FHDC1: variants seen among roughly 807,000 people sequenced by gnomAD.
The protein encoded by FHDC1 is FH2 domain-containing protein 1.
FHDC1 carries 25 observed loss-of-function variants against 52.6 expected under a neutral mutation model. The ratio of observed to expected loss-of-function variants is 0.48; its 90% CI spans 0.35 to 0.66. The LOEUF is 0.66. Among genes scored for constraint, FHDC1 ranks in the 30% least tolerant of loss-of-function variants. The probability of loss-of-function intolerance (pLI) is 0.01; values close to 1 mark genes in which losing one functional copy is unlikely to be tolerated. For missense variants in FHDC1, 1,459 were observed against 1,452.8 expected, an observed-to-expected ratio of 1.00 and a Z score of -0.07; for synonymous variants, 616 against 581.5, an observed-to-expected ratio of 1.06 and a Z score of -0.85.
intron 2 of FHDC1, among the ~76,000 whole-genome samples, chr4:152,945,251 A>C (rs1739694797): frequency 6.6e-6 from 1 of 152,218 alleles, no homozygotes; most frequent in Non-Finnish European, 1.5e-5. Flanking sequence ...CTATGATAGA[A>C]GCAGAGATGT....
chr4:152,950,387 G>A (rs764369350), intron 2 of FHDC1, among the ~76,000 whole-genome samples: 7 of 152,218 alleles, frequency 4.6e-5, no homozygotes, highest in Admixed American at 2.0e-4. Context: ...AGGATGCCGG[G>A]AGCGAGTGGG....
chr4:152,936,138 G>A (rs903676093), upstream of FHDC1, among the ~76,000 whole-genome samples: 1 of 152,186 alleles, frequency 6.6e-6, no homozygotes, highest in East Asian at 2.0e-4. Flanking sequence ...AGGTGAAGGT[G>A]AGCGCGTGGC....
At chr4:152,911,538 TC>T in the FHDC1 span, 2 of 152,582 alleles carry the variant, frequency 1.3e-5, no homozygotes, top group Non-Finnish European at 2.9e-5. Flanking sequence ...AATGTAAAGC[TC>T]TTTTAGTTTT....
At chr4:152,937,235 A>T (rs1739409729) in intron 1 of FHDC1, among the ~76,000 whole-genome samples, 1 of 151,972 alleles carries the variant, frequency 6.6e-6, no homozygotes, top group Non-Finnish European at 1.5e-5. Flanking sequence ...TGCGACCTGG[A>T]TGGGGGACGT....
At chr4:152,934,043 C>T (rs1010685184), upstream of FHDC1, among the ~76,000 whole-genome samples, 3 of 152,172 alleles carry the variant, frequency 2.0e-5, no homozygotes, top group African/African-American at 4.8e-5. Context: ...TCCAATTTAA[C>T]TTCTCTAAGC....
In FHDC1 at chr4:152,943,356, T is replaced by C; in HGVS notation, c.299T>C (p.Phe100Ser). 1 of 1,613,434 alleles carries C rather than the reference T, an allele frequency of 6.2e-7. No homozygotes were observed. The highest frequency in any genetic ancestry group is 2.2e-5 in the East Asian group (1 of 44,844). ...HLGKKKRMRSFFWKTIPEEQV... is the reference protein window; with the variant it reads ...HLGKKKRMRSSFWKTIPEEQV... The stretch of plus-strand genomic sequence containing the variant: ...GGTAAGAAAAAGCGGATGAGAAGCT[T>C]TTTTTGGAAAACTATTCCGGAGGAG... Residue 100 changes from phenylalanine (F) to serine (S), a missense_variant, in exon 2 of 12, where the codon TTT (phenylalanine) becomes TCT (serine). This residue lies in a region of FHDC1 where 513 missense variants were observed against 581.5 expected (regional missense o/e 0.88). Coordinates refer to ENST00000511601, the MANE Select transcript of FHDC1 (RefSeq NM_001371116.1).
the FHDC1 span, among the ~76,000 whole-genome samples, chr4:152,917,728 G>A: frequency 2.0e-5 from 3 of 152,216 alleles, no homozygotes; most frequent in Admixed American, 6.5e-5. Context: ...TTTGCTGAAT[G>A]ACTGGTCAGC....
At chr4:152,926,343 A>C in the FHDC1 span, among the ~76,000 whole-genome samples, 29 of 151,614 alleles carry the variant, frequency 1.9e-4, no homozygotes. Context: ...TTAGCTTTTA[A>C]TTAAGCTGAC....
chr4:152,949,124 T>TAATAATAATAAGAAGAAG (rs1347590282), intron 2 of FHDC1, among the ~76,000 whole-genome samples: 80 of 74,688 alleles, frequency 1.1e-3, no homozygotes, highest in East Asian at 2.8e-3. Context: ...ATAATAATAA[T>TAATAATAATAAGAAGAAG]AAGAAGAAGA....
At chr4:152,956,791 G>A (rs1385544462) in intron 4 of FHDC1, among the ~76,000 whole-genome samples, 1 of 152,150 alleles carries the variant, frequency 6.6e-6, no homozygotes, top group African/African-American at 2.4e-5. Flanking sequence ...GGCGTGCTTG[G>A]TCACACTTCG....
chr4:152,938,263 T>C (rs1365276795), intron 1 of FHDC1, among the ~76,000 whole-genome samples: 3 of 151,682 alleles, frequency 2.0e-5, no homozygotes, highest in Non-Finnish European at 2.9e-5. Flanking sequence ...CAGGCGTTTT[T>C]CCTCTGCTCT....
In FHDC1 at chr4:152,974,715, A is replaced by G. The variant is rs1337675924; in HGVS notation, c.1424A>G (p.Gln475Arg). The G allele has an allele frequency of 6.6e-7, 1 of 1,513,456 alleles. No homozygotes were observed. The highest frequency in any genetic ancestry group is 8.8e-7 in the Non-Finnish European group (1 of 1,131,144). The allele number at this position is 1,513,456 out of a possible 1,614,324, so 93.8% of individuals were successfully genotyped here. ...DREAQELRQL[Q>R]RLKEQEQKQR... is the part of the protein sequence containing the mutation. ...GAGGCGCAGGAGCTGAGGCAGCTGC[A>G]GAGGCTGAAGGAGCAGGAGCAGAAG... Residue 475 changes from glutamine (Q) to arginine (R), a missense_variant, in exon 12 of 12, where the codon CAG (glutamine) becomes CGG (arginine). Around this residue, in one of 3 missense-constraint regions of FHDC1, gnomAD observed 513 missense variants for 581.5 expected, o/e 0.88. Coordinates refer to ENST00000511601, the MANE Select transcript of FHDC1 (RefSeq NM_001371116.1).
At chr4:152,942,364 A>C (rs1417147510) in intron 1 of FHDC1, among the ~76,000 whole-genome samples, 1 of 152,250 alleles carries the variant, frequency 6.6e-6, no homozygotes, top group African/African-American at 2.4e-5. Context: ...GGGGAAAGCC[A>C]CATCACCAAG....
At chr4:152,960,718 TAC>T (rs1370347798) in intron 5 of FHDC1, 24 bp from the exon 6 acceptor site, 1 of 1,611,556 alleles carries the variant, frequency 6.2e-7, no homozygotes, top group African/African-American at 1.3e-5. Flanking sequence ...CATCAAATTC[TAC>T]AGTTTTACTT....
At chr4:152,923,337 C>G in the FHDC1 span, among the ~76,000 whole-genome samples, 2 of 152,072 alleles carry the variant, frequency 1.3e-5, no homozygotes, top group Non-Finnish European at 2.9e-5. Context: ...AACTACAAAC[C>G]ACTGCTCAAG....
At chr4:152,921,063 T>A in the FHDC1 span, among the ~76,000 whole-genome samples, 1 of 152,194 alleles carries the variant, frequency 6.6e-6, no homozygotes, top group Non-Finnish European at 1.5e-5. Context: ...ATCTACCATA[T>A]AAAATTATTT....
At chr4:152,965,659 A>C (rs1356227614) in intron 9 of FHDC1, among the ~76,000 whole-genome samples, 1 of 152,188 alleles carries the variant, frequency 6.6e-6, no homozygotes, top group Non-Finnish European at 1.5e-5. Flanking sequence ...TGGAGAAAAA[A>C]GTCCTGATTT....
Position 152,963,045 on chromosome 4 carries a change from T to G in FHDC1, c.944T>G (p.Val315Gly), listed in dbSNP as rs748520934. ...MNAGGYAGNA[V>G]GFKLSSLLKL... The stretch of plus-strand genomic sequence containing the variant: ...TAGGGAGGGTATGCCGGCAATGCAG[T>G]AGGATTTAAACTGTCTTCTTTGCTC... Residue 315 changes from valine to glycine, a missense_variant, in exon 8 of 12, where the codon GTA becomes GGA. Val to Gly is a moderately radical substitution (Grantham distance 109). Transcript: ENST00000511601. 1 of 1,613,652 alleles carries G rather than the reference T, an allele frequency of 6.2e-7. No individual in the cohort carries two copies. Among genetic ancestry groups the G allele is most frequent in the Non-Finnish European group, 8.5e-7 (1 of 1,179,988 alleles).
intron 2 of FHDC1, among the ~76,000 whole-genome samples, chr4:152,946,363 T>C (rs1228136172): frequency 6.6e-6 from 1 of 152,250 alleles, no homozygotes; most frequent in East Asian, 1.9e-4. Flanking sequence ...CATTAGGTAA[T>C]GCTGTCACAT....
Sources: allele counts gnomAD v4.1 joint callset (sites outside exome capture counted in the v4.1 genomes callset), GRCh38; gene constraint gnomAD v4.1.1; regional missense constraint gnomAD v4.1.1; transcripts MANE v1.5; gene names NCBI Gene and HGNC (gene_info 2026-07-23, HGNC 2026-07-21).